Variants in FAT1 observed in about 807,000 individuals in gnomAD.
FAT1 encodes the protein protocadherin Fat 1.
FAT1 carries 171 observed loss-of-function variants against 329.8 expected under a neutral mutation model. The observed-to-expected ratio is 0.52, with a 90% CI of 0.46 to 0.59. The LOEUF is 0.59. Ranked by LOEUF, FAT1 falls within the 20% of genes least tolerant of loss-of-function variation. FAT1 has a pLI of 0.00. For missense variants in FAT1, 5,672 were observed against 5,774.4 expected (o/e 0.98, Z 0.57); for synonymous variants, 2,233 against 2,228.6 (o/e 1.00, Z -0.06).
At chr4:186,631,998 T>C (rs955403123) in intron 7 of FAT1, among the ~76,000 whole-genome samples, 3 of 151,748 alleles carry the variant, frequency 2.0e-5, no homozygotes, top group Admixed American at 6.6e-5. Flanking sequence ...CCTGGGCTAC[T>C]GTTCTCTTAT....
intron 2 of FAT1, among the ~76,000 whole-genome samples, chr4:186,686,244 C>CG (rs527294850): frequency 8.8e-5 from 13 of 147,866 alleles, no homozygotes; most frequent in Non-Finnish European, 1.8e-4. Flanking sequence ...TTTCACCCCC[C>CG]CCCGACATTC....
At chr4:186,634,993 C>T (rs143949904) in intron 6 of FAT1, among the ~76,000 whole-genome samples, 6 of 152,342 alleles carry the variant, frequency 3.9e-5, no homozygotes, top group East Asian at 1.9e-4. Context: ...TCGTTAACTA[C>T]GAAAATAGTC....
At chr4:186,633,877 T>C (rs1740705624) in intron 6 of FAT1, 54 bp from the exon 7 acceptor site, 24 of 1,598,764 alleles carry the variant, frequency 1.5e-5, no homozygotes, top group Middle Eastern at 3.3e-4. Flanking sequence ...CTCTGTAGTT[T>C]ATTCTGTGGC....
chr4:186,717,953 A>T (rs1745291572), intron 1 of FAT1, among the ~76,000 whole-genome samples: 1 of 152,164 alleles, frequency 6.6e-6, no homozygotes, highest in Admixed American at 6.5e-5. Context: ...ATCTCATCTA[A>T]TGTATTTTTC....
intron 2 of FAT1, among the ~76,000 whole-genome samples, chr4:186,685,265 A>C (rs188052366): frequency 6.6e-6 from 1 of 152,346 alleles, no homozygotes; most frequent in Non-Finnish European, 1.5e-5. Flanking sequence ...CTGTAACGAA[A>C]CATTTCTATA....
Position 186,621,197 on chromosome 4 carries a change from C to A in FAT1, c.5389G>T (p.Ala1797Ser). The A allele has an allele frequency of 6.2e-7, 1 of 1,613,990 alleles. No individual in the cohort carries two copies. The highest frequency in any genetic ancestry group is 8.5e-7 in the Non-Finnish European group (1 of 1,179,888). Reference sequence around the variant, plus strand: ...GCATTTGAGTCTTTATCAGCATCAGCTGCTCGAATCACCAGTGGGACATTC... The same window carrying A: ...GCATTTGAGTCTTTATCAGCATCAGATGCTCGAATCACCAGTGGGACATTC... Reference protein sequence around the residue: ...DRNVPLVIRAADADKDSNALL... With the variant: ...DRNVPLVIRASDADKDSNALL... Residue 1797 changes from alanine to serine, a missense_variant, in exon 10 of 27, where the codon GCT (alanine) becomes TCT (serine). This residue lies in a region of FAT1 where 3,966 missense variants were observed against 3,915.2 expected (regional missense o/e 1.01). Transcript: ENST00000441802.
At chr4:186,646,576 T>C (rs957362933) in intron 3 of FAT1, among the ~76,000 whole-genome samples, 10 of 152,144 alleles carry the variant, frequency 6.6e-5, no homozygotes, top group African/African-American at 2.4e-4. Context: ...GTCTGATCCT[T>C]TATAGCATCT....
chr4:186,692,305 T>TTATTTATG (rs1436383112), intron 2 of FAT1, among the ~76,000 whole-genome samples: 1 of 16,226 alleles, frequency 6.2e-5, no homozygotes, highest in Non-Finnish European at 2.8e-4. Flanking sequence ...ACATCTTAGG[T>TTATTTATG]TATTTATTTA....
At chr4:186,603,104 TAGCCATCAA>T (rs1738898832) in intron 19 of FAT1, 63 bp downstream of exon 19, 2 of 1,610,178 alleles carry the variant, frequency 1.2e-6, no homozygotes, top group Non-Finnish European at 1.7e-6. Flanking sequence ...CTTTCATGTA[TAGCCATCAA>T]AGGCTTCAAA....
intron 6 of FAT1, among the ~76,000 whole-genome samples, 174 bp downstream of exon 6, chr4:186,635,851 C>T (rs766563703): frequency 6.6e-6 from 1 of 152,088 alleles, no homozygotes; most frequent in Non-Finnish European, 1.5e-5. Context: ...TTAACATATG[C>T]TATATATTGT....
chr4:186,642,252 G>A (rs1741133729), intron 3 of FAT1, among the ~76,000 whole-genome samples: 1 of 152,030 alleles, frequency 6.6e-6, no homozygotes, highest in African/African-American at 2.4e-5. Flanking sequence ...CTCACTGCAG[G>A]GCCTGGCGTG....
Position 186,600,167 on chromosome 4 carries a change from T to C in FAT1, c.11834A>G (p.Asn3945Ser), listed in dbSNP as rs2126412911. The change falls in exon 22 of 27, where the codon AAC (asparagine) becomes AGC (serine). Residue 3945 changes from asparagine (N) to serine (S), a missense_variant. This residue lies in a region of FAT1 where 1,706 missense variants were observed against 1,859.1 expected (regional missense o/e 0.92). Coordinates refer to ENST00000441802, the MANE Select transcript of FAT1 (RefSeq NM_005245.4). ...ACCAAAAAACACATAGTTATCCAGG[T>C]TCAGGGTTTTCAGAGTCCCTGGGGC... ...GTAPGTLKTL[N>S]LDNYVFFGGH... 6.2e-7 allele frequency: 1 copy of C among 1,614,050 alleles called. No individual in the cohort carries two copies. The highest frequency in any genetic ancestry group is 1.1e-5 in the South Asian group (1 of 91,090).
rs751854874 is a variant in FAT1, at chr4:186,603,703, C to G, written c.10823G>C (p.Gly3608Ala). The G allele has an allele frequency of 6.2e-7, 1 of 1,613,932 alleles. No homozygotes were observed. Among genetic ancestry groups the G allele is most frequent in the Non-Finnish European group, 8.5e-7 (1 of 1,179,876 alleles). ...KLIAHKKLDI[G>A]QYLLNVSVTD... ...TACGCTGACATTGAGAAGGTATTGCCCTATGTCTAGCTTTTTGTGTGCTAT... is the reference window on the plus strand; with the variant it reads ...TACGCTGACATTGAGAAGGTATTGCGCTATGTCTAGCTTTTTGTGTGCTAT... The change falls in exon 19 of 27, where the codon GGG becomes GCG. Residue 3608 changes from glycine to alanine, a missense_variant. Transcript: ENST00000441802.
chr4:186,628,466 G>A (rs2126543899), intron 8 of FAT1, 22 bp downstream of exon 8: 1 of 1,613,376 alleles, frequency 6.2e-7, no homozygotes, highest in Non-Finnish European at 8.5e-7. Context: ...AATGGTGGGA[G>A]GAGAGCGGGT....
At chr4:186,615,131 A>C (rs1158763308) in intron 11 of FAT1, among the ~76,000 whole-genome samples, 1 of 152,150 alleles carries the variant, frequency 6.6e-6, no homozygotes, top group Non-Finnish European at 1.5e-5. Flanking sequence ...TAAAGGATCT[A>C]GTGTCCCAGT....
intron 2 of FAT1, among the ~76,000 whole-genome samples, chr4:186,687,500 T>G (rs186254254): frequency 2.0e-5 from 3 of 152,322 alleles, no homozygotes; most frequent in African/African-American, 7.2e-5. Flanking sequence ...AACAAGGAAC[T>G]TACATATTCA....
intron 3 of FAT1, among the ~76,000 whole-genome samples, chr4:186,650,026 T>C (rs1322022148): frequency 6.6e-6 from 1 of 152,224 alleles, no homozygotes; most frequent in Non-Finnish European, 1.5e-5. Context: ...GTGTCTTCAC[T>C]TGAAATGTTT....
In FAT1 at chr4:186,596,455, G is replaced by T; in HGVS notation, c.13000+85C>A. On this transcript the variant is annotated intron_variant, in intron 25 of 26. Transcript: ENST00000441802. The surrounding 1 kb of genome is among the most constrained non-coding windows in gnomAD (Gnocchi z 4.7). The stretch of plus-strand genomic sequence containing the variant: ...TGAGCATACTTGTCTCTAATGAAGA[G>T]TACACACATTTTGACTGGACAGAAT... 1 of 1,428,634 alleles carries T rather than the reference G, an allele frequency of 7.0e-7. No individual in the cohort carries two copies. The highest frequency in any genetic ancestry group is 9.5e-7 in the Non-Finnish European group (1 of 1,048,338). The allele number at this position is 1,428,634 out of a possible 1,614,324, so 88.5% of individuals were successfully genotyped here.
At chr4:186,663,673 G>A (rs2126619344) in intron 2 of FAT1, 60 bp from the exon 3 acceptor site, 3 of 1,374,144 alleles carry the variant, frequency 2.2e-6, no homozygotes, top group South Asian at 2.7e-5. Context: ...GCCAGCTTCA[G>A]AAAGTGTCAA....
Sources: gnomAD v4.1 joint callset for allele counts (sites outside exome capture counted in the v4.1 genomes callset) on GRCh38, gnomAD v4.1.1 for gene constraint, gnomAD v4.1.1 regional missense constraint, Gnocchi (gnomAD v3.1) non-coding constraint, MANE v1.5 for transcripts, NCBI Gene and HGNC (gene_info 2026-07-23, HGNC 2026-07-21) for gene names.